Variants in ESCO2 observed in about 807,000 individuals in gnomAD.
ESCO2 encodes establishment of sister chromatid cohesion N-acetyltransferase 2.
In ESCO2, 51 loss-of-function variants were observed where a neutral mutation model predicts 61.7. That is an observed-to-expected ratio of 0.83 (90% confidence interval 0.66 to 1.04). ESCO2 has a LOEUF of 1.04. ESCO2 is among the 50% of genes least tolerant of loss of function. ESCO2 has a pLI of 0.00. For missense variants in ESCO2, 692 were observed against 686.2 expected (o/e 1.01, Z -0.09); for synonymous variants, 230 against 238.2 (o/e 0.97, Z 0.32).
intron 4 of ESCO2, among the ~76,000 whole-genome samples, chr8:27,781,127 TAAAAGTAATATA>T (rs1309614924): frequency 2.0e-5 from 3 of 152,184 alleles, no homozygotes; most frequent in Non-Finnish European, 4.4e-5. Flanking sequence ...GGAGAAATCA[TAAAAGTAATATA>T]AAAAGACCAA....
At chr8:27,809,984 G>A (rs1056882352), downstream of ESCO2, 2 of 266,562 alleles carry the variant, frequency 7.5e-6, no homozygotes, top group African/African-American at 4.6e-5. Context: ...ATTTAAGAAA[G>A]ATCATTAATA....
chr8:27,812,969 G>A (rs1805723663), downstream of ESCO2, among the ~76,000 whole-genome samples: 1 of 152,102 alleles, frequency 6.6e-6, no homozygotes, highest in Non-Finnish European at 1.5e-5. Context: ...CCCATTACTG[G>A]GTATACACCC....
chr8:27,808,653 C>G (rs1805610159), downstream of ESCO2, among the ~76,000 whole-genome samples: 1 of 145,984 alleles, frequency 6.9e-6, no homozygotes, highest in Non-Finnish European at 1.5e-5. Context: ...CCACTGTACT[C>G]CAGCCTGAGT....
intron 3 of ESCO2, chr8:27,778,346 T>C (rs1245533473): frequency 6.6e-6 from 1 of 152,158 alleles, no homozygotes; most frequent in Non-Finnish European, 1.5e-5. Context: ...GTTTATCGAG[T>C]ATGGCCAAGT....
At chr8:27,799,895 T>C (rs1019354068) in intron 10 of ESCO2, among the ~76,000 whole-genome samples, 179 bp downstream of exon 10, 6 of 147,632 alleles carry the variant, frequency 4.1e-5, no homozygotes, top group African/African-American at 1.5e-4. Flanking sequence ...CAGTCTAGGG[T>C]GCAACATTCC....
intron 3 of ESCO2, 199 bp downstream of exon 3, chr8:27,777,368 C>A: frequency 2.2e-6 from 1 of 451,296 alleles, no homozygotes; most frequent in Non-Finnish European, 3.8e-6. Flanking sequence ...TGCAGTGGCA[C>A]ACTGCTCACT....
At chr8:27,777,253 T>C in intron 3 of ESCO2, 84 bp downstream of exon 3, 2 of 1,301,978 alleles carry the variant, frequency 1.5e-6, no homozygotes, top group Non-Finnish European at 2.1e-6. Flanking sequence ...TTTTATTTTC[T>C]GGACTGCTTT....
chr8:27,790,038 A>C lies in ESCO2; in HGVS notation c.1263+1060A>C, dbSNP rs189671731. Among the ~76,000 whole-genome samples, 360 of 152,310 alleles carry C rather than the reference A, an allele frequency of 2.4e-3. 3 individuals are homozygous for C. The highest frequency in any genetic ancestry group is 3.6e-3 in the Non-Finnish European group (244 of 68,024). On this transcript the variant is annotated intron_variant, in intron 7 of 10. Transcript: ENST00000305188. ...TAGGTTCTGACATTGTCTGCTTCAA[A>C]TTTGACAGCTTTCTGTTGCACTAGG...
At chr8:27,802,832 C>T (rs1042736939) in intron 10 of ESCO2, among the ~76,000 whole-genome samples, 6 of 150,422 alleles carry the variant, frequency 4.0e-5, no homozygotes, top group African/African-American at 7.3e-5. Flanking sequence ...CTGCAACCTC[C>T]GCCTCCTGGG....
downstream of ESCO2, among the ~76,000 whole-genome samples, chr8:27,807,881 T>G (rs933824170): frequency 6.6e-6 from 1 of 152,136 alleles, no homozygotes; most frequent in African/African-American, 2.4e-5. Flanking sequence ...AATGCCCTTA[T>G]AAAAATAGAG....
At chr8:27,788,531 T>TC (rs11352429) in intron 6 of ESCO2, among the ~76,000 whole-genome samples, 21 of 151,318 alleles carry the variant, frequency 1.4e-4, no homozygotes, top group South Asian at 1.2e-3. Flanking sequence ...CTCTTTTTTT[T>TC]CCCCCCCCAA....
intron 9 of ESCO2, among the ~76,000 whole-genome samples, chr8:27,794,486 T>A (rs1054090085): frequency 7.2e-5 from 11 of 152,234 alleles, no homozygotes; most frequent in African/African-American, 2.7e-4. Context: ...ATTTATATAT[T>A]TTGGATATTA....
At chr8:27,782,731 TA>T (rs1350975680) in intron 4 of ESCO2, among the ~76,000 whole-genome samples, 2 of 150,196 alleles carry the variant, frequency 1.3e-5, no homozygotes, top group Non-Finnish European at 1.5e-5. Flanking sequence ...TTAAATAATA[TA>T]TTTTTTAGGA....
At chr8:27,773,832 G>A (rs562734914), upstream of ESCO2, 4 of 152,292 alleles carry the variant, frequency 2.6e-5, no homozygotes, top group African/African-American at 9.6e-5. Flanking sequence ...CACAAAGATA[G>A]TAACAATAGC....
intron 3 of ESCO2, chr8:27,779,666 C>T (rs1017086621): frequency 1.3e-5 from 2 of 158,630 alleles, no homozygotes; most frequent in Admixed American, 6.0e-5. Context: ...GATTACAACA[C>T]GTGTACTCTG....
chr8:27,811,377 G>C, downstream of ESCO2: 1 of 582,020 alleles, frequency 1.7e-6, no homozygotes, highest in East Asian at 2.9e-5. Flanking sequence ...CAAATTAGTA[G>C]GAATATAGAA....
downstream of ESCO2, chr8:27,810,508 G>T (rs753757617): frequency 6.4e-7 from 1 of 1,564,476 alleles, no homozygotes; most frequent in Non-Finnish European, 8.8e-7. Context: ...TTATCTTGAA[G>T]GAGTTAGAGA....
At chr8:27,784,515 T>C (rs6998549) in intron 5 of ESCO2, among the ~76,000 whole-genome samples, 2,200 of 152,236 alleles carry the variant, frequency 0.014, 46 homozygotes, top group African/African-American at 0.045. Context: ...TGGGTGATAG[T>C]ATAGTAGCTA....
At chr8:27,802,376 A>C (rs1357463632) in intron 10 of ESCO2, among the ~76,000 whole-genome samples, 5 of 150,624 alleles carry the variant, frequency 3.3e-5, no homozygotes, top group African/African-American at 1.2e-4. Context: ...CGGGTGGATT[A>C]CCTAAGGTTG....
Sources: allele counts gnomAD v4.1 joint callset (sites outside exome capture counted in the v4.1 genomes callset), GRCh38; gene constraint gnomAD v4.1.1; transcripts MANE v1.5; gene names NCBI Gene and HGNC (gene_info 2026-07-23, HGNC 2026-07-21).